EPHA5: variants seen among roughly 807,000 people sequenced by gnomAD.
The protein encoded by EPHA5 is ephrin type-A receptor 5.
Under a neutral mutation model 105.0 loss-of-function variants are expected in EPHA5, and 60 were observed. The ratio of observed to expected loss-of-function variants is 0.57; its 90% confidence interval spans 0.46 to 0.71. The LOEUF (loss-of-function observed/expected upper bound fraction) is 0.71. EPHA5 is among the 30% of genes least tolerant of loss of function. The pLI, the probability that EPHA5 is intolerant of heterozygous loss-of-function variation, is 0.00. For synonymous variants in EPHA5, 513 were observed against 449.1 expected, an observed-to-expected ratio of 1.14 and a Z score of -1.80; for missense variants, 1,218 against 1,274.7, an observed-to-expected ratio of 0.96 and a Z score of 0.68.
At position 65,336,082 on chromosome 4, in the gene EPHA5, A is replaced by G; in HGVS notation, c.2639T>C (p.Met880Thr). 1 of 1,612,700 alleles carries G rather than the reference A, an allele frequency of 6.2e-7. No individual in the cohort carries two copies. The change falls in exon 15 of 17, where the codon ATG (methionine) becomes ACG (threonine). Residue 880 changes from methionine to threonine, a missense_variant. Coordinates refer to ENST00000613740, the MANE Select transcript of EPHA5 (RefSeq NM_001281766.3). ...CTGATAGAGAGCAGCAGGACAATCC[A>G]TGGGGCTTGGCAGACGATAGCCTTC... Reference protein sequence around the residue: ...VEEGYRLPSPMDCPAALYQLM... With the variant: ...VEEGYRLPSPTDCPAALYQLM...
At chr4:65,442,039 T>C (rs1294789226) in intron 5 of EPHA5, among the ~76,000 whole-genome samples, 11 of 152,068 alleles carry the variant, frequency 7.2e-5, no homozygotes, top group Non-Finnish European at 1.5e-4. Flanking sequence ...AATATATACA[T>C]AAACAGGCTA....
intron 3 of EPHA5, among the ~76,000 whole-genome samples, chr4:65,499,418 C>A (rs549317783): frequency 1.3e-5 from 2 of 151,664 alleles, no homozygotes; most frequent in East Asian, 3.9e-4. Context: ...TTCCAATTTT[C>A]CCAGTTTTAT....
chr4:65,414,369 T>A lies in EPHA5; in HGVS notation c.1602A>T (p.Ser534=), dbSNP rs371309035. The change falls in exon 7 of 17, where the codon TCA becomes TCT. Residue 534 remains serine, a synonymous_variant. Transcript: ENST00000613740. ...TITAEGLKPA[S]VYVFQIRART... ...GTGCTCGAATTTGGAAGACATAAAC[T>A]GAAGCTGGTTTCAAGCCCTCTGCAG... 6.2e-7 allele frequency: 1 copy of A among 1,614,000 alleles called. No homozygotes were observed. Among genetic ancestry groups the A allele is most frequent in the Non-Finnish European group, 8.5e-7 (1 of 1,179,914 alleles).
At chr4:65,455,102 G>A (rs533146602) in intron 5 of EPHA5, among the ~76,000 whole-genome samples, 11 of 152,028 alleles carry the variant, frequency 7.2e-5, no homozygotes, top group Admixed American at 5.2e-4. Context: ...GAGCAGTGGC[G>A]GGCGCCTGGA....
Position 65,490,655 on chromosome 4 carries a change from A to G in EPHA5, c.1124T>C (p.Leu375Pro), listed in dbSNP as rs2149214224. The change falls in exon 5 of 17, where the codon CTG becomes CCG. Residue 375 changes from leucine to proline, a missense_variant. Physicochemically the swap from Leu to Pro is moderately conservative, Grantham distance 98 (BLOSUM62 -3). This residue lies in a region of EPHA5 where 971 missense variants were observed against 1,013.5 expected (regional missense o/e 0.96). Transcript: ENST00000613740. ...ISNVNETSVF[L>P]EWIPPADTGG... Reference sequence around the variant, plus strand: ...AGTGTCAGCAGGCGGAATCCATTCCAGAAAGACACTAGTTTCATTAACATT... The same window carrying G: ...AGTGTCAGCAGGCGGAATCCATTCCGGAAAGACACTAGTTTCATTAACATT... 1 of 1,614,194 alleles carries G rather than the reference A, an allele frequency of 6.2e-7. No homozygotes were observed. The highest frequency in any genetic ancestry group is 1.3e-5 in the African/African-American group (1 of 75,058).
intron 5 of EPHA5, among the ~76,000 whole-genome samples, chr4:65,429,077 GAA>G (rs1224192214): frequency 6.6e-6 from 1 of 151,732 alleles, no homozygotes. Flanking sequence ...TTTAATACAC[GAA>G]GAGTCCTAAG....
intron 3 of EPHA5, among the ~76,000 whole-genome samples, chr4:65,571,320 G>GT (rs997523096): frequency 7.6e-6 from 1 of 131,106 alleles, no homozygotes; most frequent in African/African-American, 2.6e-5. Flanking sequence ...TTGTTTACAA[G>GT]TAAAAAAAAA....
At chr4:65,536,793 G>A (rs1012863310) in intron 3 of EPHA5, among the ~76,000 whole-genome samples, 1 of 150,856 alleles carries the variant, frequency 6.6e-6, no homozygotes, top group African/African-American at 2.4e-5. Context: ...GGTTTGGGAA[G>A]AATAAAATTA....
At chr4:65,497,922 C>T (rs1273969190) in intron 3 of EPHA5, among the ~76,000 whole-genome samples, 1 of 151,804 alleles carries the variant, frequency 6.6e-6, no homozygotes, top group Non-Finnish European at 1.5e-5. Flanking sequence ...CACAGCCTTG[C>T]CTTTATGAAT....
intron 3 of EPHA5, among the ~76,000 whole-genome samples, chr4:65,501,757 A>G (rs558718677): frequency 7.9e-5 from 12 of 151,750 alleles, no homozygotes; most frequent in African/African-American, 2.9e-4. Context: ...AACTTTTCCA[A>G]AATTCATATG....
intron 8 of EPHA5, among the ~76,000 whole-genome samples, chr4:65,400,819 C>G (rs1422712068): frequency 1.3e-5 from 2 of 151,764 alleles, no homozygotes; most frequent in Non-Finnish European, 2.9e-5. Flanking sequence ...CTCTTAGACC[C>G]AAATCATAAA....
chr4:65,509,952 T>C (rs1348137679), intron 3 of EPHA5, among the ~76,000 whole-genome samples: 7 of 151,954 alleles, frequency 4.6e-5, no homozygotes, highest in Non-Finnish European at 8.8e-5. Context: ...GTAACACAGC[T>C]AAGCCTTCTT....
chr4:65,431,947 G>A (rs1050201832), intron 5 of EPHA5, among the ~76,000 whole-genome samples: 3 of 152,010 alleles, frequency 2.0e-5, no homozygotes, highest in African/African-American at 7.2e-5. Flanking sequence ...AGTGGTATGA[G>A]ATATTTCTGA....
intron 3 of EPHA5, among the ~76,000 whole-genome samples, chr4:65,512,003 G>A (rs2149262113): frequency 6.6e-6 from 1 of 152,282 alleles, no homozygotes; most frequent in South Asian, 2.1e-4. Flanking sequence ...CTATGGGCTA[G>A]GCATGTGCTA....
chr4:65,418,862 C>CTTTTTTTTTTTTTTTTTTTTT lies in EPHA5; in HGVS notation c.1527+1558_1527+1578dup, dbSNP rs575608289. Among the ~76,000 whole-genome samples, 30 of 47,074 alleles carry CTTTTTTTTTTTTTTTTTTTTT rather than the reference C, an allele frequency of 6.4e-4. 1 individual carries two copies. Among genetic ancestry groups the CTTTTTTTTTTTTTTTTTTTTT allele is most frequent in the Non-Finnish European group, 6.7e-4 (19 of 28,352 alleles). The allele number at this position is 47,074 out of a possible 152,430, so 30.9% of individuals were successfully genotyped here. On this transcript the variant is annotated intron_variant, in intron 6 of 16. Transcript: ENST00000613740. ...AACATTCAATACACTTACCTAAACT[C>CTTTTTTTTTTTTTTTTTTTTT]TTTTTTTTTTTTTTTTTTTTTTTTT...
intron 11 of EPHA5, among the ~76,000 whole-genome samples, chr4:65,361,717 T>C (rs746289795): frequency 1.1e-4 from 17 of 151,872 alleles, no homozygotes; most frequent in Middle Eastern, 3.4e-3. Context: ...TCTGCAGATA[T>C]AGAAATAAAG....
chr4:65,518,316 TC>T (rs1734303628), intron 3 of EPHA5, among the ~76,000 whole-genome samples: 1 of 152,030 alleles, frequency 6.6e-6, no homozygotes, highest in African/African-American at 2.4e-5. Context: ...TTACGTATTA[TC>T]TTATAATGTG....
chr4:65,601,286 T>C (rs1395481709), intron 3 of EPHA5, among the ~76,000 whole-genome samples: 1 of 152,166 alleles, frequency 6.6e-6, no homozygotes, highest in African/African-American at 2.4e-5. Context: ...AGAAAATAAG[T>C]TCATGGAGAG....
intron 8 of EPHA5, among the ~76,000 whole-genome samples, chr4:65,374,544 T>C (rs1334000189): frequency 6.6e-6 from 1 of 151,938 alleles, no homozygotes; most frequent in Non-Finnish European, 1.5e-5. Flanking sequence ...CACATTGGAA[T>C]TGCTGAGCCA....
Sources: allele counts gnomAD v4.1 joint callset (sites outside exome capture counted in the v4.1 genomes callset), GRCh38; gene constraint gnomAD v4.1.1; regional missense constraint gnomAD v4.1.1; transcripts MANE v1.5; gene names NCBI Gene and HGNC (gene_info 2026-07-23, HGNC 2026-07-21).